The following SARNP variants were observed in gnomAD, a reference collection of about 807,000 sequenced individuals.
SARNP encodes SAP domain-containing ribonucleoprotein.
Under a neutral mutation model 38.1 loss-of-function variants are expected in SARNP, and 5 were observed. The observed-to-expected ratio is 0.13, with a 90% CI of 0.07 to 0.28. The LOEUF is 0.28. SARNP is among the 10% of genes least tolerant of loss of function. The probability of loss-of-function intolerance (pLI) is 1.00; values close to 1 mark genes in which losing one functional copy is unlikely to be tolerated. For missense variants in SARNP, 180 were observed against 243.9 expected, an observed-to-expected ratio of 0.74 and a Z score of 1.75; for synonymous variants, 84 against 80.6, an observed-to-expected ratio of 1.04 and a Z score of -0.23.
At position 55,800,547 on chromosome 12, in the gene SARNP, A is replaced by G. The variant is rs1879947615; in HGVS notation, c.251+15T>C. Reference sequence around the variant, plus strand: ...TGCCTGCTCTGTACTCAGATTATAAAAAAGGGATAATTACACATCAACAGT... The same window carrying G: ...TGCCTGCTCTGTACTCAGATTATAAGAAAGGGATAATTACACATCAACAGT... On this transcript the variant is annotated intron_variant, in intron 4 of 10. Coordinates refer to ENST00000336133, the MANE Select transcript of SARNP (RefSeq NM_033082.4). The G allele has an allele frequency of 6.4e-7, 1 of 1,553,042 alleles. No individual in the cohort carries two copies. Among genetic ancestry groups the G allele is most frequent in the African/African-American group, 1.4e-5 (1 of 72,912 alleles).
At chr12:55,807,832 A>AAT (rs1555174080) in intron 1 of SARNP, among the ~76,000 whole-genome samples, 2 of 147,948 alleles carry the variant, frequency 1.4e-5, no homozygotes, top group African/African-American at 5.1e-5. Flanking sequence ...AAAAAAAAAA[A>AAT]TTTTTTTTAA....
At chr12:55,782,889 C>A (rs1280248174) in intron 9 of SARNP, among the ~76,000 whole-genome samples, 1 of 152,092 alleles carries the variant, frequency 6.6e-6, no homozygotes, top group Non-Finnish European at 1.5e-5. Flanking sequence ...GGCTGGCGGA[C>A]TGCTTGAGTC....
Position 55,759,070 on chromosome 12 carries a change from T to TC in SARNP, c.591+1480_591+1481insG, listed in dbSNP as rs1878598656. 3.9e-5 allele frequency among the ~76,000 whole-genome samples: 6 copies of TC among 151,900 alleles called. No homozygotes were observed. The South Asian group carries it at 1.2e-3, about 32-fold the overall frequency. ...ATTTATTTTAAACTTTTAGTAGAGA[T>TC]GAGGTCTCACTATGTTGCCCAGGCT... On this transcript the variant is annotated intron_variant, in intron 10 of 10. Coordinates refer to ENST00000336133, the MANE Select transcript of SARNP (RefSeq NM_033082.4).
chr12:55,795,058 C>T (rs1879783173), intron 5 of SARNP, among the ~76,000 whole-genome samples, 178 bp from the exon 6 acceptor site: 3 of 151,152 alleles, frequency 2.0e-5, no homozygotes, highest in South Asian at 2.1e-4. Context: ...CTCCTGGGTT[C>T]GAGCGATTCT....
intron 1 of SARNP, among the ~76,000 whole-genome samples, chr12:55,807,012 T>TA (rs1880166170): frequency 6.6e-6 from 1 of 152,254 alleles, no homozygotes; most frequent in African/African-American, 2.4e-5. Context: ...GGGCTGAACT[T>TA]AAACTCTTGA....
At chr12:55,763,586 C>T (rs188957905) in intron 9 of SARNP, among the ~76,000 whole-genome samples, 496 of 152,228 alleles carry the variant, frequency 3.3e-3, no homozygotes, top group Middle Eastern at 6.8e-3. Context: ...GGATTACAGG[C>T]GTGAGCCACT....
chr12:55,817,560 G>T, intron 1 of SARNP, 106 bp downstream of exon 1: 1 of 1,053,488 alleles, frequency 9.5e-7, no homozygotes, highest in Non-Finnish European at 1.4e-6. Context: ...GCCGAGAAAC[G>T]AAGTGGAAAA....
downstream of SARNP, chr12:55,754,317 A>G (rs1878435279): frequency 6.6e-6 from 1 of 152,206 alleles, no homozygotes; most frequent in South Asian, 2.1e-4. Context: ...CTTTATCCTA[A>G]AACATCCTCC....
At chr12:55,815,156 C>G (rs1880444947) in intron 1 of SARNP, among the ~76,000 whole-genome samples, 1 of 152,120 alleles carries the variant, frequency 6.6e-6, no homozygotes, top group Non-Finnish European at 1.5e-5. Flanking sequence ...CTCCCAGGCT[C>G]AAGCAATCCT....
chr12:55,797,709 A>G (rs1202722815), intron 4 of SARNP, among the ~76,000 whole-genome samples: 1 of 152,214 alleles, frequency 6.6e-6, no homozygotes, highest in Non-Finnish European at 1.5e-5. Context: ...TTAGGCAACT[A>G]AACTCAAGCG....
intron 1 of SARNP, among the ~76,000 whole-genome samples, chr12:55,804,731 A>C (rs984405850): frequency 3.9e-5 from 6 of 152,160 alleles, no homozygotes; most frequent in African/African-American, 1.4e-4. Flanking sequence ...ATGCTGACCC[A>C]GGAGAACAAG....
At chr12:55,792,848 T>C (rs1302510217) in intron 7 of SARNP, 2 of 152,096 alleles carry the variant, frequency 1.3e-5, no homozygotes, top group Non-Finnish European at 2.9e-5. Flanking sequence ...CCATGTCTAG[T>C]TAATTTTTTA....
At chr12:55,797,345 T>C (rs931543540) in intron 4 of SARNP, among the ~76,000 whole-genome samples, 1 of 152,108 alleles carries the variant, frequency 6.6e-6, no homozygotes, top group Non-Finnish European at 1.5e-5. Flanking sequence ...GGAATCAAAC[T>C]AGAAACAGGT....
chr12:55,794,276 T>A (rs1261810499), intron 7 of SARNP, 83 bp downstream of exon 7: 6 of 1,233,476 alleles, frequency 4.9e-6, no homozygotes, highest in Non-Finnish European at 7.1e-6. Context: ...CAAATTTACC[T>A]TATTTTGGAG....
At chr12:55,754,963 A>G (rs945129256), downstream of SARNP, 5 of 152,314 alleles carry the variant, frequency 3.3e-5, no homozygotes, top group Admixed American at 2.6e-4. Flanking sequence ...AGGGAAAGAG[A>G]TAACAAGAAA....
chr12:55,754,977 A>C (rs751136343), downstream of SARNP: 1 of 152,206 alleles, frequency 6.6e-6, no homozygotes, highest in Non-Finnish European at 1.5e-5. Context: ...CAAGAAAGTT[A>C]GGGACACCTT....
intron 9 of SARNP, among the ~76,000 whole-genome samples, chr12:55,771,730 G>A (rs1389530875): frequency 2.0e-5 from 3 of 152,128 alleles, no homozygotes; most frequent in Non-Finnish European, 4.4e-5. Context: ...ACCATACTAA[G>A]ATGTTAATAG....
Position 55,780,072 on chromosome 12 carries a change from C to T in SARNP, c.501+9003G>A, listed in dbSNP as rs562795754. Among the ~76,000 whole-genome samples, 4 of 152,198 alleles carry T rather than the reference C, an allele frequency of 2.6e-5. No homozygotes were observed. In the South Asian group the frequency reaches 6.2e-4, roughly 24 times the overall value. ...CTGAGGTGGGAGGGTCACTTAAACC[C>T]GGGAGGTGGAGGCTGCAGTTAGCTG... On this transcript the variant is annotated intron_variant, in intron 9 of 10. Transcript: ENST00000336133.
intron 1 of SARNP, among the ~76,000 whole-genome samples, chr12:55,816,374 T>C (rs1211742383): frequency 6.6e-6 from 1 of 152,172 alleles, no homozygotes; most frequent in African/African-American, 2.4e-5. Context: ...TTTTAACTCA[T>C]CACAATAAAG....
Sources: allele counts gnomAD v4.1 joint callset (sites outside exome capture counted in the v4.1 genomes callset), GRCh38; gene constraint gnomAD v4.1.1; transcripts MANE v1.5; gene names NCBI Gene and HGNC (gene_info 2026-07-23, HGNC 2026-07-21).